The following GJB7 variants were observed in gnomAD, a reference collection of about 807,000 sequenced individuals.
GJB7 encodes gap junction protein beta 7.
For synonymous variants in GJB7, 87 were observed against 95.2 expected, an observed-to-expected ratio of 0.91 and a Z score of 0.50; for missense variants, 253 against 256.8, an observed-to-expected ratio of 0.99 and a Z score of 0.10.
chr6:87,299,859 A>C (rs1776295364), intron 2 of GJB7: 1 of 211,686 alleles, frequency 4.7e-6, no homozygotes, highest in Non-Finnish European at 1.0e-5. Flanking sequence ...GCTCAAATTG[A>C]AAAATATATT....
At chr6:87,299,105 A>G in intron 2 of GJB7, 2 of 500,216 alleles carry the variant, frequency 4.0e-6, no homozygotes, top group East Asian at 5.6e-5. Context: ...CACCAGTGCT[A>G]TTGTACTGCC....
intron 2 of GJB7, among the ~76,000 whole-genome samples, chr6:87,308,753 A>G (rs1221596061): frequency 2.0e-5 from 3 of 152,140 alleles, no homozygotes; most frequent in Non-Finnish European, 2.9e-5. Context: ...ACTGAGGCAT[A>G]TCGTGATAAG....
At position 87,282,994 on chromosome 6, in the gene GJB7, C is replaced by T. The variant is rs1775999236; in HGVS notation, c.*1247G>A. 6.6e-6 allele frequency: 1 copy of T among 152,174 alleles called. No homozygotes were observed. The highest frequency in any genetic ancestry group is 2.4e-5 in the African/African-American group (1 of 41,432). 9.4% of individuals were successfully genotyped at this position (152,174 alleles called of 1,614,324 possible). ...CAGCCAAAGAGCATTGTGAAATACC[C>T]TTATTTTTATTCTGAAGAAATGTAC... is the stretch of plus-strand genomic sequence containing the variant. On this transcript the variant is annotated 3_prime_UTR_variant, in exon 3 of 3. Coordinates refer to ENST00000525899, the MANE Select transcript of GJB7 (RefSeq NM_198568.3).
At chr6:87,302,516 T>C (rs555422090) in intron 2 of GJB7, among the ~76,000 whole-genome samples, 19 of 152,174 alleles carry the variant, frequency 1.2e-4, no homozygotes, top group Admixed American at 5.9e-4. Context: ...CTCCAAGAAA[T>C]ATGGGACTAT....
At chr6:87,296,719 T>C (rs1776252978) in intron 2 of GJB7, among the ~76,000 whole-genome samples, 1 of 152,112 alleles carries the variant, frequency 6.6e-6, no homozygotes, top group Non-Finnish European at 1.5e-5. Flanking sequence ...TATTACTCTT[T>C]TGTTCCTCCT....
At chr6:87,302,723 T>C (rs990570977) in intron 2 of GJB7, among the ~76,000 whole-genome samples, 10 of 151,168 alleles carry the variant, frequency 6.6e-5, no homozygotes, top group African/African-American at 2.4e-4. Flanking sequence ...AGACACATAA[T>C]TGTCAGATTC....
chr6:87,323,149 T>C (rs140304693), intron 1 of GJB7, 106 bp from the exon 2 acceptor site: 72 of 152,350 alleles, frequency 4.7e-4, no homozygotes, highest in African/African-American at 1.7e-3. Flanking sequence ...GTCCATGACA[T>C]TGGGGGAAGC....
At chr6:87,326,698 A>G (rs933015295) in intron 1 of GJB7, among the ~76,000 whole-genome samples, 7 of 130,644 alleles carry the variant, frequency 5.4e-5, no homozygotes, top group Admixed American at 3.1e-4. Flanking sequence ...TATGTGGTCA[A>G]TTTTGGAATA....
At chr6:87,316,421 C>G (rs979200977) in intron 2 of GJB7, among the ~76,000 whole-genome samples, 3 of 152,182 alleles carry the variant, frequency 2.0e-5, no homozygotes, top group Admixed American at 6.5e-5. Flanking sequence ...ACACACCAAG[C>G]AGGGCTGAGC....
At chr6:87,289,664 A>C (rs1350447212) in intron 2 of GJB7, among the ~76,000 whole-genome samples, 1 of 152,188 alleles carries the variant, frequency 6.6e-6, no homozygotes, top group Non-Finnish European at 1.5e-5. Flanking sequence ...ACTTTTGGAA[A>C]TGAGTGCCAG....
rs780681454 is a variant in GJB7, at chr6:87,284,588, GTTTC to G, written c.321_324del (p.Lys107AsnfsTer48). The G allele has an allele frequency of 4.3e-6, 7 of 1,614,000 alleles. No individual in the cohort carries two copies. The highest frequency in any genetic ancestry group is 5.1e-6 in the Non-Finnish European group (6 of 1,180,014). On this transcript the variant is annotated frameshift_variant, in exon 3 of 3. Coordinates refer to ENST00000525899, the MANE Select transcript of GJB7 (RefSeq NM_198568.3). LOFTEE classifies it low-confidence loss of function (END_TRUNC). Reference sequence around the variant, plus strand: ...TCCATTGTACCTGGGCTGACATAGAGTTTCTTTCTGTGCCTTTTCTCTCTACCCT... The same window carrying G: ...TCCATTGTACCTGGGCTGACATAGAGTTTCTGTGCCTTTTCTCTCTACCCT...
At chr6:87,287,753 G>A (rs1776086867) in intron 2 of GJB7, among the ~76,000 whole-genome samples, 1 of 152,046 alleles carries the variant, frequency 6.6e-6, no homozygotes, top group South Asian at 2.1e-4. Context: ...TACCTTGTTG[G>A]GCATTTTAGA....
chr6:87,301,811 G>A (rs956559243), intron 2 of GJB7, among the ~76,000 whole-genome samples: 1 of 152,188 alleles, frequency 6.6e-6, no homozygotes, highest in Non-Finnish European at 1.5e-5. Context: ...CACATGGCCG[G>A]GTACCCCTCT....
rs545410547 is a variant in GJB7 at position 87,291,598 on chromosome 6, A to G, written c.-27-6659T>C. Among the ~76,000 whole-genome samples, 5 of 152,312 alleles carry G rather than the reference A, an allele frequency of 3.3e-5. No individual in the cohort carries two copies. In the East Asian group the frequency reaches 9.6e-4, roughly 29 times the overall value. On this transcript the variant is annotated intron_variant, in intron 2 of 2. Coordinates refer to ENST00000525899, the MANE Select transcript of GJB7 (RefSeq NM_198568.3). The stretch of plus-strand genomic sequence containing the variant: ...CTCACACTTTTTGCTCAGGCCTGGC[A>G]TTCTTTCTTGGCTACACCCTCTGAA...
rs147604561 is a variant in GJB7 at position 87,301,630 on chromosome 6, G to A, written c.-27-16691C>T. 4.4e-3 allele frequency among the ~76,000 whole-genome samples: 670 copies of A among 152,334 alleles called. 6 individuals carry two copies. The highest frequency in any genetic ancestry group is 0.017 in the Middle Eastern group (5 of 294). ...GAAGGTCATAGCTGAACAAAAGGCA[G>A]CAGAAACCTCTGCAGACTTAAATGT... On this transcript the variant is annotated intron_variant, in intron 2 of 2. Transcript: ENST00000525899.
chr6:87,305,381 A>G (rs964454804), intron 2 of GJB7, among the ~76,000 whole-genome samples: 2 of 152,162 alleles, frequency 1.3e-5, no homozygotes, highest in African/African-American at 2.4e-5. Flanking sequence ...ATACACCAAT[A>G]ACAGACAAAC....
intron 2 of GJB7, among the ~76,000 whole-genome samples, chr6:87,313,781 G>A (rs949377479): frequency 2.0e-5 from 3 of 152,130 alleles, no homozygotes; most frequent in African/African-American, 7.2e-5. Context: ...CTGAAAGTGG[G>A]GTTTGAGGAG....
Position 87,308,792 on chromosome 6 carries a change from C to G in GJB7, c.-28+14074G>C, listed in dbSNP as rs564533870. On this transcript the variant is annotated intron_variant, in intron 2 of 2. Coordinates refer to ENST00000525899, the MANE Select transcript of GJB7 (RefSeq NM_198568.3). ...ACTGAAAACCAGAGACAGAGAAGAC[C>G]TTAAAGGCAACCAGATAAAAAAAAA... 8.6e-4 allele frequency among the ~76,000 whole-genome samples: 130 copies of G among 151,568 alleles called. 2 individuals carry two copies. Among genetic ancestry groups the G allele is most frequent in the Middle Eastern group, 6.8e-3 (2 of 294 alleles).
chr6:87,309,143 T>C (rs1776479297), intron 2 of GJB7, among the ~76,000 whole-genome samples: 2 of 152,178 alleles, frequency 1.3e-5, no homozygotes. Context: ...ACGTTGTTGC[T>C]GTCACACTGA....
Sources: gnomAD v4.1 joint callset for allele counts (sites outside exome capture counted in the v4.1 genomes callset) on GRCh38, gnomAD v4.1.1 for gene constraint, MANE v1.5 for transcripts, NCBI Gene and HGNC (gene_info 2026-07-23, HGNC 2026-07-21) for gene names.